ATG12: variants seen among roughly 807,000 people sequenced by gnomAD.
ATG12 encodes ubiquitin-like protein ATG12.
A neutral mutation model predicts 17.6 loss-of-function variants in ATG12; 19 were observed. The observed-to-expected ratio is 1.08, with a 90% CI of 0.75 to 1.58. The LOEUF is 1.58. Among genes scored for constraint, ATG12 ranks in the 40% most tolerant of loss-of-function variants. The pLI, the probability that ATG12 is intolerant of heterozygous loss-of-function variation, is 0.00. For synonymous variants in ATG12, 75 were observed against 62.4 expected (o/e 1.20, Z -0.95); for missense variants, 214 against 162.0 (o/e 1.32, Z -1.74).
At chr5:115,833,645 G>A (rs1205024957) in intron 2 of ATG12, 2 of 152,092 alleles carry the variant, frequency 1.3e-5, no homozygotes, top group African/African-American at 2.4e-5. Flanking sequence ...TTCAGTGCCT[G>A]GTATATGTAC....
intron 2 of ATG12, chr5:115,833,959 C>A (rs1760991064): frequency 6.6e-6 from 1 of 152,118 alleles, no homozygotes; most frequent in Non-Finnish European, 1.5e-5. Context: ...TTAATGTGAT[C>A]TCTTCCCTCA....
chr5:115,840,769 A>C (rs1200316386), intron 1 of ATG12: 1 of 1,177,820 alleles, frequency 8.5e-7, no homozygotes, highest in African/African-American at 1.6e-5. Flanking sequence ...AAACATTCTC[A>C]AGCAATAAAG....
rs1290927475 is a variant in ATG12, at chr5:115,830,110, G to A, written c.*1694C>T. Reference sequence around the variant, plus strand: ...CCAGCCTGGGCAACAAGACCGAAACGCTGTCTCTTTAAAAAAAAAAAAAAA... The same window carrying A: ...CCAGCCTGGGCAACAAGACCGAAACACTGTCTCTTTAAAAAAAAAAAAAAA... On this transcript the variant is annotated 3_prime_UTR_variant, in exon 4 of 4. Transcript: ENST00000509910. The A allele has an allele frequency of 1.7e-5, 2 of 115,350 alleles. No individual in the cohort carries two copies. The highest frequency in any genetic ancestry group is 6.1e-4 in the South Asian group (2 of 3,294). The allele number at this position is 115,350 out of a possible 1,614,324, so 7.1% of individuals were successfully genotyped here.
intron 1 of ATG12, chr5:115,840,610 CA>C: frequency 7.8e-7 from 1 of 1,276,334 alleles, no homozygotes; most frequent in Non-Finnish European, 1.0e-6. Flanking sequence ...AGACCACTGT[CA>C]TCTTAAGACA....
chr5:115,840,667 G>A (rs1425273905), intron 1 of ATG12: 4 of 1,225,734 alleles, frequency 3.3e-6, no homozygotes, highest in African/African-American at 1.6e-5. Flanking sequence ...TCTGAATCGA[G>A]GATGCTTATA....
chr5:115,832,568 T>A, intron 3 of ATG12, 34 bp downstream of exon 3: 2 of 991,314 alleles, frequency 2.0e-6, no homozygotes, highest in South Asian at 2.4e-5. Flanking sequence ...CAGTAATTTC[T>A]TTCTTTTTTT....
At chr5:115,839,364 C>T (rs888386701) in intron 1 of ATG12, 1 of 152,118 alleles carries the variant, frequency 6.6e-6, no homozygotes, top group Non-Finnish European at 1.5e-5. Flanking sequence ...ATCCTAGGTC[C>T]AGTTATCTTA....
chr5:115,832,598 T>TAAATAA lies in ATG12; in HGVS notation c.363+3_363+4insTTATTT. 1 of 1,220,290 alleles carries TAAATAA rather than the reference T, an allele frequency of 8.2e-7. No individual in the cohort carries two copies. The highest frequency in any genetic ancestry group is 1.1e-6 in the Non-Finnish European group (1 of 898,490). The allele number at this position is 1,220,290 out of a possible 1,614,324, so 75.6% of individuals were successfully genotyped here. A position where few individuals can be genotyped will look rare whatever the true frequency, so the allele number is the denominator to read the frequency against. ...TTTTTTTTTTTTTTTTTTTTTTTTT[T>TAAATAA]TACCTCATAGAGAGTTCCAACTTCT... On this transcript the variant is annotated splice_donor_region_variant and intron_variant, in intron 3 of 3. Coordinates refer to ENST00000509910, the MANE Select transcript of ATG12 (RefSeq NM_004707.4).
intron 1 of ATG12, chr5:115,840,847 GTAACATC>G: frequency 7.9e-7 from 1 of 1,261,070 alleles, no homozygotes; most frequent in Non-Finnish European, 1.0e-6. Flanking sequence ...TCTTAAAAAG[GTAACATC>G]TATGCCTTTA....
chr5:115,841,438 C>A lies in ATG12; in HGVS notation c.115G>T (p.Ala39Ser). 6.2e-7 allele frequency: 1 copy of A among 1,609,996 alleles called. No homozygotes were observed. The highest frequency in any genetic ancestry group is 1.1e-5 in the South Asian group (1 of 90,918). Reference protein sequence around the residue: ...TTTPEPPSSAAVSPGTEEPAG... With the variant: ...TTTPEPPSSASVSPGTEEPAG... The stretch of plus-strand genomic sequence containing the variant: ...GGTTCCTCTGTTCCCGGGGAAACTG[C>A]AGCGGAAGACGGGGGCTCCGGGGTG... The change falls in exon 1 of 4, where the codon GCA becomes TCA. Residue 39 changes from alanine to serine, a missense_variant. By Grantham distance (99) the Ala-to-Ser change is moderately conservative. Transcript: ENST00000509910.
chr5:115,832,877 C>T, intron 2 of ATG12: 1 of 419,680 alleles, frequency 2.4e-6, no homozygotes, highest in Admixed American at 4.4e-5. Context: ...ATTCCAGTTC[C>T]TAGAACAGTG....
In ATG12 at chr5:115,831,820, G is replaced by A. The variant is rs1427527893; in HGVS notation, c.407C>T (p.Ser136Phe). 9.3e-6 allele frequency: 15 copies of A among 1,612,044 alleles called. No individual in the cohort carries two copies. The highest frequency in any genetic ancestry group is 1.3e-5 in the Non-Finnish European group (15 of 1,179,440). ...CTTTGTGGTTCATCCCCACGCCTGA[G>A]ACTTGCAGTAATGTAAAACCAGTTT... is the stretch of plus-strand genomic sequence containing the variant. ...DGKLVLHYCK[S>F]QAWG is the part of the protein sequence containing the mutation. The change falls in exon 4 of 4, where the codon TCT (serine) becomes TTT (phenylalanine). Residue 136 changes from serine (S) to phenylalanine (F), a missense_variant. Transcript: ENST00000509910.
rs35337050 is a variant in ATG12 at position 115,830,120 on chromosome 5, T to TAAAAAAAAAAAAAAAAAAAAAAAAAAAA, written c.*1683_*1684insTTTTTTTTTTTTTTTTTTTTTTTTTTTT. On this transcript the variant is annotated 3_prime_UTR_variant, in exon 4 of 4. Coordinates refer to ENST00000509910, the MANE Select transcript of ATG12 (RefSeq NM_004707.4). Reference sequence around the variant, plus strand: ...CAACAAGACCGAAACGCTGTCTCTTTAAAAAAAAAAAAAAAAAAAAAAAGT... The same window carrying TAAAAAAAAAAAAAAAAAAAAAAAAAAAA: ...CAACAAGACCGAAACGCTGTCTCTTTAAAAAAAAAAAAAAAAAAAAAAAAAAAAAAAAAAAAAAAAAAAAAAAAAAAGT... 9.6e-6 allele frequency: 1 copy of TAAAAAAAAAAAAAAAAAAAAAAAAAAAA among 104,238 alleles called. No homozygotes were observed. The highest frequency in any genetic ancestry group is 3.7e-5 in the African/African-American group (1 of 26,736). 6.5% of individuals were successfully genotyped at this position (104,238 alleles called of 1,614,324 possible). A position where few individuals can be genotyped will look rare whatever the true frequency, so the allele number is the denominator to read the frequency against.
In ATG12 at chr5:115,832,598, TTACC is replaced by T; in HGVS notation, c.363_363+3del. ...TTTTTTTTTTTTTTTTTTTTTTTTT[TTACC>T]TCATAGAGAGTTCCAACTTCTTGGT... On this transcript the variant is annotated splice_donor_variant and splice_donor_region_variant and coding_sequence_variant and intron_variant, in exon 3 of 4. Coordinates refer to ENST00000509910, the MANE Select transcript of ATG12 (RefSeq NM_004707.4). LOFTEE classifies it high-confidence loss of function. 8.2e-7 allele frequency: 1 copy of T among 1,220,296 alleles called. No homozygotes were observed. The highest frequency in any genetic ancestry group is 2.9e-5 in the Admixed American group (1 of 34,066). 75.6% of individuals were successfully genotyped at this position (1,220,296 alleles called of 1,614,324 possible). A position where few individuals can be genotyped will look rare whatever the true frequency, so the allele number is the denominator to read the frequency against.
At position 115,830,550 on chromosome 5, in the gene ATG12, T is replaced by G. The variant is rs1760828093; in HGVS notation, c.*1254A>C. ...CATTCGATTTACTAGAATGCCTTTT[T>G]TTTTCTTTTTTGAGATGGGGTCTCA... On this transcript the variant is annotated 3_prime_UTR_variant, in exon 4 of 4. Transcript: ENST00000509910. The G allele has an allele frequency of 6.6e-6, 1 of 152,192 alleles. No homozygotes were observed. The highest frequency in any genetic ancestry group is 2.1e-4 in the South Asian group (1 of 4,830). 9.4% of individuals were successfully genotyped at this position (152,192 alleles called of 1,614,324 possible). A position where few individuals can be genotyped will look rare whatever the true frequency, so the allele number is the denominator to read the frequency against.
Position 115,831,722 on chromosome 5 carries a change from G to T in ATG12, c.*82C>A. On this transcript the variant is annotated 3_prime_UTR_variant, in exon 4 of 4. Coordinates refer to ENST00000509910, the MANE Select transcript of ATG12 (RefSeq NM_004707.4). ...ATAGATCACATCTGTTAAGTCTCTT[G>T]CCACAAGCATCAAAACTTTTCAGAG... The T allele has an allele frequency of 7.6e-7, 1 of 1,309,336 alleles. No individual in the cohort carries two copies. The highest frequency in any genetic ancestry group is 1.1e-6 in the Non-Finnish European group (1 of 919,970). 81.1% of individuals were successfully genotyped at this position (1,309,336 alleles called of 1,614,324 possible).
At chr5:115,840,506 C>A in intron 1 of ATG12, 1 of 705,282 alleles carries the variant, frequency 1.4e-6, no homozygotes, top group Non-Finnish European at 2.0e-6. Flanking sequence ...CCATGTTGGC[C>A]AGGCTGGTCT....
intron 2 of ATG12, chr5:115,833,443 A>C (rs1760968332): frequency 6.6e-6 from 1 of 152,140 alleles, no homozygotes; most frequent in South Asian, 2.1e-4. Context: ...ACCATGAACC[A>C]TCAATATTGC....
intron 2 of ATG12, among the ~76,000 whole-genome samples, chr5:115,837,279 C>G (rs1327916332): frequency 6.6e-6 from 1 of 152,060 alleles, no homozygotes; most frequent in Non-Finnish European, 1.5e-5. Flanking sequence ...GTGGCACACT[C>G]ATGTAATTCT....
Sources: gnomAD v4.1 joint callset for allele counts (sites outside exome capture counted in the v4.1 genomes callset) on GRCh38, gnomAD v4.1.1 for gene constraint, MANE v1.5 for transcripts, NCBI Gene and HGNC (gene_info 2026-07-23, HGNC 2026-07-21) for gene names.